The following SELENOV variants were observed in gnomAD, a reference collection of about 807,000 sequenced individuals.
SELENOV encodes selenoprotein V.
In SELENOV, 25 loss-of-function variants were observed where a neutral mutation model predicts 21.6. The ratio of observed to expected loss-of-function variants is 1.16; its 90% confidence interval spans 0.84 to 1.62. The LOEUF is 1.62. Ranked by LOEUF, SELENOV falls within the 40% of genes most tolerant of loss-of-function variation. SELENOV has a pLI of 0.00. For synonymous variants in SELENOV, 227 were observed against 216.9 expected (o/e 1.05, Z -0.41); for missense variants, 472 against 459.0 (o/e 1.03, Z -0.26).
At chr19:39,518,906 G>A in exon 4 of SELENOV, 1 of 1,613,916 alleles carries the variant, frequency 6.2e-7, no homozygotes. Context: ...CTCCCAGGAG[G>A]AGGACAGAGC....
intron 1 of SELENOV, among the ~76,000 whole-genome samples, chr19:39,517,964 CAAAAAAAAA>C (rs56157115): frequency 0.027 from 329 of 12,366 alleles, 11 homozygotes; most frequent in African/African-American, 0.094. Context: ...GACTCTGTCT[CAAAAAAAAA>C]AAAAAAAAAA....
Position 39,519,110 on chromosome 19 carries a change from A to T in SELENOV, c.1003A>T (p.Ile335Phe), listed in dbSNP as rs756210603. The T allele has an allele frequency of 1.7e-5, 27 of 1,613,662 alleles. No homozygotes were observed. The highest frequency in any genetic ancestry group is 1.8e-5 in the Non-Finnish European group (21 of 1,179,868). Residue 335 changes from isoleucine to phenylalanine, a missense_variant, in exon 5 of 6, where the codon ATT (isoleucine) becomes TTT (phenylalanine). Physicochemically the swap from Ile to Phe is conservative, Grantham distance 21. Transcript: ENST00000335426. ...TGTGAACGAGTCCAGGCTGCAGAAA[A>T]TTGTGAGCGTTATCGATGAGGAAAT...
chr19:39,518,290 AAAAC>A lies in SELENOV; in HGVS notation c.810-314_810-311del, dbSNP rs1468509195. 1.1e-3 allele frequency among the ~76,000 whole-genome samples: 73 copies of A among 66,842 alleles called. 1 individual carries two copies. The East Asian group carries it at 0.036, about 33-fold the overall frequency. The allele number at this position is 66,842 out of a possible 152,430, so 43.9% of individuals were successfully genotyped here. On this transcript the variant is annotated intron_variant, in intron 1 of 5. Transcript: ENST00000335426. The stretch of plus-strand genomic sequence containing the variant: ...CGTCTCAAAAAAACAAAAAAACAAA[AAAAC>A]AAAAAAAAAAGAGAGAGAGAGAGAA...
rs758468639 is a variant in SELENOV at position 39,515,349 on chromosome 19, T to A, written c.137T>A (p.Leu46Gln). Residue 46 changes from leucine (L) to glutamine (Q), a missense_variant, in exon 1 of 6, where the codon CTG becomes CAG. Leu to Gln is a moderately radical substitution (Grantham distance 113). Coordinates refer to ENST00000335426, the Ensembl canonical transcript of SELENOV. The surrounding 1 kb of genome is among the most constrained non-coding windows in gnomAD (Gnocchi z 5.1). ...CGGACTCGGACCCCCATCCGGACCC[T>A]GACTCCAGTCCTGACTCCGTCTCCA... 6.4e-7 allele frequency: 1 copy of A among 1,551,266 alleles called. No homozygotes were observed. Among genetic ancestry groups the A allele is most frequent in the African/African-American group, 1.4e-5 (1 of 72,932 alleles).
rs1002971551 is a variant in SELENOV, at chr19:39,518,954, G to C, written c.940G>C (p.Gly314Arg). 3.7e-6 allele frequency: 6 copies of C among 1,613,806 alleles called. No individual in the cohort carries two copies. The Admixed American group carries it at 6.7e-5, about 18-fold the overall frequency. ...AGGGGAGTTTGAGGTGTTTGTGAAC[G>C]GGAGACTGGTCCATTCCAAGAAGGT... Residue 314 changes from glycine (G) to arginine (R), a missense_variant, in exon 4 of 6, where the codon GGG becomes CGG. Transcript: ENST00000335426.
Position 39,518,664 on chromosome 19 carries a change from G to T in SELENOV, c.834+32G>T, listed in dbSNP as rs775751504. ...AGTTTTGGCTTTGGAGGTAGGGGGA[G>T]CCTGAGGCAGGAAGACTGGGAGGAG... is the stretch of plus-strand genomic sequence containing the variant. On this transcript the variant is annotated intron_variant, in intron 2 of 5. Transcript: ENST00000335426. 6.2e-6 allele frequency: 10 copies of T among 1,612,482 alleles called. No individual in the cohort carries two copies. The South Asian group carries it at 9.9e-5, about 16-fold the overall frequency.
chr19:39,520,351 T>C (rs1392484757), exon 6 of SELENOV: 1 of 115,860 alleles, frequency 8.6e-6, no homozygotes, highest in Non-Finnish European at 1.8e-5. Context: ...GCCCCAGGGG[T>C]GGGAGGGAGG....
At chr19:39,517,991 A>AAAAAAAAAAAAACAAAG (rs374863818) in intron 1 of SELENOV, among the ~76,000 whole-genome samples, 1 of 92,012 alleles carries the variant, frequency 1.1e-5, no homozygotes, top group Non-Finnish European at 2.2e-5. Flanking sequence ...AAAAAAAAAA[A>AAAAAAAAAAAAACAAAG]GCCCAGCGCG....
chr19:39,516,087 C>T (rs1404237972), intron 1 of SELENOV, 66 bp downstream of exon 1: 2 of 1,412,544 alleles, frequency 1.4e-6, no homozygotes, highest in African/African-American at 2.9e-5. Flanking sequence ...GCTGGGTCTC[C>T]GGGGACGTGG....
At chr19:39,518,953 C>A (rs770012276) in exon 4 of SELENOV, 11 of 1,613,470 alleles carry the variant, frequency 6.8e-6, no homozygotes, top group Non-Finnish European at 9.3e-6. Flanking sequence ...TGTTTGTGAA[C>A]GGGAGACTGG....
chr19:39,518,363 G>A (rs2079710456), intron 1 of SELENOV: 1 of 581,766 alleles, frequency 1.7e-6, no homozygotes, highest in Non-Finnish European at 3.1e-6. Context: ...CAGGGTGAAT[G>A]AATTGGGGAG....
rs1229100539 is a variant in SELENOV, at chr19:39,515,588, G to GCCCCAT, written c.381_382insTCCCCA (p.Pro127_Ala128insSerPro). 8 of 1,548,866 alleles carry GCCCCAT rather than the reference G, an allele frequency of 5.2e-6. No individual in the cohort carries two copies. The highest frequency in any genetic ancestry group is 7.0e-6 in the Non-Finnish European group (8 of 1,146,854). On this transcript the variant is annotated inframe_insertion, in exon 1 of 6. Transcript: ENST00000335426. The surrounding 1 kb of genome is among the most constrained non-coding windows in gnomAD (Gnocchi z 5.1). ...TCCTCCAGTCCGGGTCCCAGCCCCA[G>GCCCCAT]CCCCAGCCCAGCTCCTGGCAGGGAT...
At chr19:39,519,214 C>T (rs975493202) in intron 5 of SELENOV, 44 bp downstream of exon 5, 70 of 1,372,184 alleles carry the variant, frequency 5.1e-5, no homozygotes, top group Middle Eastern at 2.2e-4. Flanking sequence ...GGGTGGAGGC[C>T]GGGTAGGAGG....
chr19:39,518,413 T>A, intron 1 of SELENOV, 195 bp from the exon 2 acceptor site: 1 of 626,378 alleles, frequency 1.6e-6, no homozygotes, highest in Non-Finnish European at 2.9e-6. Context: ...AGAAGGCAGA[T>A]CCTGTGGTGG....
intron 1 of SELENOV, 59 bp downstream of exon 1, chr19:39,516,080 G>A: frequency 6.9e-7 from 1 of 1,439,344 alleles, no homozygotes; most frequent in Non-Finnish European, 9.5e-7. Flanking sequence ...AGTGGGGGCT[G>A]GGTCTCCGGG....
At chr19:39,519,980 A>G (rs2079720495) in intron 5 of SELENOV, among the ~76,000 whole-genome samples, 166 bp from the exon 6 acceptor site, 1 of 151,632 alleles carries the variant, frequency 6.6e-6, no homozygotes, top group South Asian at 2.1e-4. Flanking sequence ...AAAAAAAAAA[A>G]AAAAAAGGAA....
Position 39,515,422 on chromosome 19 carries a change from C to T in SELENOV, c.210C>T (p.Pro70=). 1 of 1,551,588 alleles carries T rather than the reference C, an allele frequency of 6.4e-7. No homozygotes were observed. Among genetic ancestry groups the T allele is most frequent in the East Asian group, 2.4e-5 (1 of 40,910 alleles). Residue 70 remains proline, a synonymous_variant, in exon 1 of 6, where the codon CCC becomes CCT. Transcript: ENST00000335426. The surrounding 1 kb of genome is among the most constrained non-coding windows in gnomAD (Gnocchi z 5.1). ...TGACTCCTGCTCCAGCCCAGATTCC[C>T]ACTCTGGTCCCCACTCCCGCTCTGG...
rs1339379745 is a variant in SELENOV, at chr19:39,515,481, C to T, written c.269C>T (p.Pro90Leu). The change falls in exon 1 of 6, where the codon CCG becomes CTG. Residue 90 changes from proline (P) to leucine (L), a missense_variant. Transcript: ENST00000335426. The surrounding 1 kb of genome is among the most constrained non-coding windows in gnomAD (Gnocchi z 5.1). ...CCCCGTCTGGTTCCGCCTCCTGCTC[C>T]GGCCTGGATCCCTACTCCGGTGCCG... 6.4e-7 allele frequency: 1 copy of T among 1,551,366 alleles called. No individual in the cohort carries two copies. Among genetic ancestry groups the T allele is most frequent in the South Asian group, 1.2e-5 (1 of 84,052 alleles).
In SELENOV at chr19:39,515,761, C is replaced by G; in HGVS notation, c.549C>G (p.Ser183Arg). ...TGAAGCTCATCCCGTCGGTCTCCAG[C>G]GAGGCCGGGCCCGCCCCGGGGCCCC... Residue 183 changes from serine (S) to arginine (R), a missense_variant, in exon 1 of 6, where the codon AGC becomes AGG. Transcript: ENST00000335426. The surrounding 1 kb of genome is among the most constrained non-coding windows in gnomAD (Gnocchi z 5.1). 3 of 1,549,294 alleles carry G rather than the reference C, an allele frequency of 1.9e-6. No individual in the cohort carries two copies. The highest frequency in any genetic ancestry group is 2.6e-6 in the Non-Finnish European group (3 of 1,146,288).
Sources: gnomAD v4.1 joint callset for allele counts (sites outside exome capture counted in the v4.1 genomes callset) on GRCh38, gnomAD v4.1.1 for gene constraint, Gnocchi (gnomAD v3.1) non-coding constraint, MANE v1.5 for transcripts, NCBI Gene and HGNC (gene_info 2026-07-23, HGNC 2026-07-21) for gene names.